Variants in SLCO3A1 observed in about 807,000 individuals in gnomAD.
The protein encoded by SLCO3A1 is solute carrier organic anion transporter family member 3A1.
Under a neutral mutation model 63.1 loss-of-function variants are expected in SLCO3A1, and 27 were observed. That is an observed-to-expected ratio of 0.43 (90% CI 0.32 to 0.59). The LOEUF is 0.59. Ranked by LOEUF, SLCO3A1 falls within the 20% of genes least tolerant of loss-of-function variation. The pLI is 0.09. For missense variants in SLCO3A1, 773 were observed against 945.8 expected (o/e 0.82, Z 2.40); for synonymous variants, 473 against 409.9 (o/e 1.15, Z -1.86).
intron 2 of SLCO3A1, among the ~76,000 whole-genome samples, chr15:92,010,530 TAATA>T (rs759208604): frequency 1.3e-5 from 2 of 152,210 alleles, no homozygotes; most frequent in Non-Finnish European, 2.9e-5. Flanking sequence ...TAGTATATAA[TAATA>T]AATCCTTGTG....
At chr15:92,041,273 C>T (rs2046793416) in intron 2 of SLCO3A1, among the ~76,000 whole-genome samples, 1 of 152,140 alleles carries the variant, frequency 6.6e-6, no homozygotes, top group Non-Finnish European at 1.5e-5. Flanking sequence ...CATCAATCAA[C>T]AGGTATTTAT....
chr15:91,936,642 TC>T (rs1899424449), intron 2 of SLCO3A1, among the ~76,000 whole-genome samples: 1 of 152,190 alleles, frequency 6.6e-6, no homozygotes, highest in Non-Finnish European at 1.5e-5. Context: ...TGTACAGACT[TC>T]AGTGAGTATG....
chr15:92,162,730 C>A, intron 9 of SLCO3A1, 26 bp from the exon 10 acceptor site: 1 of 1,592,426 alleles, frequency 6.3e-7, no homozygotes, highest in Non-Finnish European at 8.6e-7. Context: ...AGATCCAGAA[C>A]CTTAACATTC....
rs940585403 is a variant in SLCO3A1 at position 91,954,746 on chromosome 15, G to A, written c.646+38288G>A. ...AAGATGGGGAGAGGGGTTGACCTGC[G>A]AAGCACCCTCTGCTTCCTCCTTCCT... On this transcript the variant is annotated intron_variant, in intron 2 of 9. Transcript: ENST00000318445. The surrounding 1 kb of genome is among the most constrained non-coding windows in gnomAD (Gnocchi z 4.7). Among the ~76,000 whole-genome samples the A allele has an allele frequency of 2.0e-5, 3 of 152,052 alleles. No individual in the cohort carries two copies. The highest frequency in any genetic ancestry group is 1.9e-4 in the East Asian group (1 of 5,158).
At chr15:91,880,778 G>A (rs1897561905) in intron 1 of SLCO3A1, among the ~76,000 whole-genome samples, 1 of 152,076 alleles carries the variant, frequency 6.6e-6, no homozygotes, top group South Asian at 2.1e-4. Context: ...TGGCATTTGG[G>A]TTGTGCTTAT....
intron 1 of SLCO3A1, among the ~76,000 whole-genome samples, chr15:91,904,054 C>T (rs561129121): frequency 1.4e-3 from 83 of 58,414 alleles, no homozygotes; most frequent in African/African-American, 6.0e-3. Flanking sequence ...CTGTGTTCAG[C>T]GGGAGGGAGG....
intron 2 of SLCO3A1, among the ~76,000 whole-genome samples, chr15:92,092,416 G>A (rs1596093185): frequency 1.3e-5 from 2 of 152,050 alleles, no homozygotes; most frequent in African/African-American, 4.8e-5. Flanking sequence ...AAGAAGGGTA[G>A]GCACAGCACC....
chr15:92,168,024 A>G (rs2048502640), downstream of SLCO3A1, among the ~76,000 whole-genome samples: 1 of 152,234 alleles, frequency 6.6e-6, no homozygotes, highest in African/African-American at 2.4e-5. Flanking sequence ...AATTTTGGCT[A>G]TATGCCAAGC....
rs188323177 is a variant in SLCO3A1, at chr15:91,853,762, C to G, written c.-147C>G. 1.3e-6 allele frequency: 1 copy of G among 797,006 alleles called. No individual in the cohort carries two copies. The highest frequency in any genetic ancestry group is 5.7e-5 in the Admixed American group (1 of 17,490). 49.4% of individuals were successfully genotyped at this position (797,006 alleles called of 1,614,324 possible). On this transcript the variant is annotated 5_prime_UTR_variant, in exon 1 of 10. Transcript: ENST00000318445. ...GAGCTGTGCCTTCCACCTCTCCAGCCCCGGCAGGACGGGGGCGGCCGCCGC... is the reference window on the plus strand; with the variant it reads ...GAGCTGTGCCTTCCACCTCTCCAGCGCCGGCAGGACGGGGGCGGCCGCCGC...
chr15:92,069,836 G>A (rs761763629), intron 2 of SLCO3A1, among the ~76,000 whole-genome samples: 1 of 152,140 alleles, frequency 6.6e-6, no homozygotes, highest in Non-Finnish European at 1.5e-5. Context: ...AACCCACCCA[G>A]GCGACATAAC....
chr15:91,963,879 G>T (rs2151423416), intron 2 of SLCO3A1, among the ~76,000 whole-genome samples: 1 of 152,242 alleles, frequency 6.6e-6, no homozygotes, highest in East Asian at 1.9e-4. Flanking sequence ...GACCCAAGCA[G>T]GTTGCCGCTG....
rs1303177062 is a variant in SLCO3A1, at chr15:91,948,994, C to T, written c.646+32536C>T. ...GGGGAATCATTCCCTCCATTTTTAT[C>T]CCTGGTGTAAACTTCCCTGCCCTCT... On this transcript the variant is annotated intron_variant, in intron 2 of 9. Transcript: ENST00000318445. This position sits in a 1 kb window ranked among gnomAD's most constrained non-coding sequence, Gnocchi z 4.8. 2.0e-5 allele frequency among the ~76,000 whole-genome samples: 3 copies of T among 151,804 alleles called. No homozygotes were observed. The highest frequency in any genetic ancestry group is 2.9e-5 in the Non-Finnish European group (2 of 68,000).
At chr15:91,881,024 A>G (rs111739299) in intron 1 of SLCO3A1, among the ~76,000 whole-genome samples, 2,187 of 152,318 alleles carry the variant, frequency 0.014, 58 homozygotes, top group African/African-American at 0.051. Context: ...AATGGGGCTC[A>G]GGATGGGGCT....
intron 5 of SLCO3A1, among the ~76,000 whole-genome samples, chr15:92,123,381 T>A (rs2047885672): frequency 6.6e-6 from 1 of 152,104 alleles, no homozygotes. Flanking sequence ...CACTCCAGCC[T>A]GGGGGACAAG....
intron 2 of SLCO3A1, among the ~76,000 whole-genome samples, chr15:91,945,187 C>T (rs1056951875): frequency 9.2e-5 from 14 of 151,868 alleles, no homozygotes; most frequent in Non-Finnish European, 1.5e-5. Flanking sequence ...ACTAAAAATA[C>T]AAAAATTAGC....
At chr15:92,150,303 G>A (rs1250458174) in intron 8 of SLCO3A1, among the ~76,000 whole-genome samples, 1 of 152,288 alleles carries the variant, frequency 6.6e-6, no homozygotes, top group East Asian at 1.9e-4. Flanking sequence ...GGCTGGGTCT[G>A]CCTTTCCCAC....
intron 2 of SLCO3A1, among the ~76,000 whole-genome samples, chr15:91,962,839 G>A (rs1035675382): frequency 6.6e-6 from 1 of 152,174 alleles, no homozygotes; most frequent in Non-Finnish European, 1.5e-5. Context: ...GTTTATTTCT[G>A]GAGCCGGGTA....
At chr15:92,162,075 A>T (rs889420401) in intron 9 of SLCO3A1, 1 of 151,412 alleles carries the variant, frequency 6.6e-6, no homozygotes, top group Non-Finnish European at 1.5e-5. Context: ...GATGATGATA[A>T]TAGCAGCTGT....
Position 91,872,660 on chromosome 15 carries a change from C to G in SLCO3A1, c.180+18572C>G, listed in dbSNP as rs1178542284. Reference sequence around the variant, plus strand: ...TTCCCTTCTCTTTGATCACACCACGCCTTGAAAAAATTCGCAGCTGAATGC... The same window carrying G: ...TTCCCTTCTCTTTGATCACACCACGGCTTGAAAAAATTCGCAGCTGAATGC... On this transcript the variant is annotated intron_variant, in intron 1 of 9. Coordinates refer to ENST00000318445, the MANE Select transcript of SLCO3A1 (RefSeq NM_013272.4). This position sits in a 1 kb window ranked among gnomAD's most constrained non-coding sequence, Gnocchi z 4.1. Among the ~76,000 whole-genome samples the G allele has an allele frequency of 6.6e-6, 1 of 152,192 alleles. No individual in the cohort carries two copies. The highest frequency in any genetic ancestry group is 1.5e-5 in the Non-Finnish European group (1 of 68,034).
Sources: allele counts gnomAD v4.1 joint callset (sites outside exome capture counted in the v4.1 genomes callset), GRCh38; gene constraint gnomAD v4.1.1; non-coding constraint Gnocchi (gnomAD v3.1); transcripts MANE v1.5; gene names NCBI Gene and HGNC (gene_info 2026-07-23, HGNC 2026-07-21).